The following LSAMP variants were observed in gnomAD, a reference collection of about 807,000 sequenced individuals.
The protein encoded by LSAMP is limbic system associated membrane protein.
A neutral mutation model predicts 38.6 loss-of-function variants in LSAMP; 7 were observed. The observed-to-expected ratio is 0.18, with a 90% confidence interval of 0.10 to 0.34. LSAMP has a LOEUF of 0.34. Among genes scored for constraint, LSAMP ranks in the 10% least tolerant of loss-of-function variants. The pLI is 1.00. For missense variants in LSAMP, 313 were observed against 420.0 expected (o/e 0.75, Z 2.23); for synonymous variants, 154 against 166.8 (o/e 0.92, Z 0.59).
intron 1 of LSAMP, among the ~76,000 whole-genome samples, chr3:116,269,508 G>A (rs945110938): frequency 2.0e-5 from 3 of 152,046 alleles, no homozygotes; most frequent in Admixed American, 1.3e-4. Flanking sequence ...AATGAATGAT[G>A]CTAAACCTAA....
rs1010190973 is a variant in LSAMP at position 115,909,485 on chromosome 3, T to C, written c.515-56868A>G. On this transcript the variant is annotated intron_variant, in intron 3 of 6. Transcript: ENST00000490035. ...CATCATTCACCTAGCTTACATTAGT[T>C]CTTGTCTTTTCTTCAGCAGCAATGT... is the stretch of plus-strand genomic sequence containing the variant. 2.6e-5 allele frequency among the ~76,000 whole-genome samples: 4 copies of C among 152,212 alleles called. No homozygotes were observed. In the East Asian group the frequency reaches 7.7e-4, roughly 29 times the overall value.
chr3:116,395,776 T>C (rs72951910), intron 1 of LSAMP, among the ~76,000 whole-genome samples: 17,166 of 152,186 alleles, frequency 0.11, 1,373 homozygotes, highest in African/African-American at 0.23. Flanking sequence ...CATTGTTACT[T>C]TTCCCTTCTG....
At chr3:116,222,651 G>A (rs1239493306) in intron 1 of LSAMP, among the ~76,000 whole-genome samples, 2 of 149,414 alleles carry the variant, frequency 1.3e-5, no homozygotes, top group Non-Finnish European at 3.0e-5. Context: ...AGCCAGGAGT[G>A]GGCTCTCTGA....
At chr3:116,111,700 T>C (rs1409739709) in intron 1 of LSAMP, among the ~76,000 whole-genome samples, 3 of 152,222 alleles carry the variant, frequency 2.0e-5, no homozygotes, top group Non-Finnish European at 4.4e-5. Context: ...TGCAAGACCA[T>C]GTTTCTTTTC....
intron 1 of LSAMP, among the ~76,000 whole-genome samples, chr3:116,288,431 G>A (rs2047220191): frequency 6.6e-6 from 1 of 152,174 alleles, no homozygotes; most frequent in Admixed American, 6.5e-5. Context: ...ACCATTACAA[G>A]CAATGGATTA....
intron 1 of LSAMP, among the ~76,000 whole-genome samples, chr3:116,108,073 C>T (rs549986546): frequency 0.015 from 2,271 of 151,860 alleles, 50 homozygotes; most frequent in African/African-American, 0.048. Flanking sequence ...TGGCATTGAG[C>T]GGGGTAAGGG....
In LSAMP at chr3:116,025,605, G is replaced by A. The variant is rs1388192685; in HGVS notation, c.389-5965C>T. ...TTATATTGAATTCTTTGAATCATAT[G>A]GAATTTATTTCTGGTATGAGAAATA... On this transcript the variant is annotated intron_variant, in intron 2 of 6. Transcript: ENST00000490035. Among the ~76,000 whole-genome samples the A allele has an allele frequency of 2.0e-5, 3 of 151,806 alleles. No individual in the cohort carries two copies. The South Asian group carries it at 6.3e-4, about 32-fold the overall frequency.
At chr3:116,341,762 C>T (rs895946704) in intron 1 of LSAMP, among the ~76,000 whole-genome samples, 5 of 151,930 alleles carry the variant, frequency 3.3e-5, no homozygotes, top group Non-Finnish European at 5.9e-5. Context: ...AAATGACTCC[C>T]GCCTTCCTTG....
At chr3:115,898,689 A>G (rs1315465617) in intron 3 of LSAMP, among the ~76,000 whole-genome samples, 1 of 151,832 alleles carries the variant, frequency 6.6e-6, no homozygotes, top group Admixed American at 6.6e-5. Flanking sequence ...CCTAGTACCC[A>G]GCCAATGGTC....
intron 1 of LSAMP, among the ~76,000 whole-genome samples, chr3:116,266,953 C>T (rs964565420): frequency 7.9e-5 from 12 of 152,156 alleles, no homozygotes; most frequent in Non-Finnish European, 1.3e-4. Context: ...GTGGCAGGCA[C>T]CTGCCAACTG....
At chr3:116,357,040 G>A (rs1046499458) in intron 1 of LSAMP, among the ~76,000 whole-genome samples, 21 of 152,148 alleles carry the variant, frequency 1.4e-4, no homozygotes, top group Non-Finnish European at 2.5e-4. Context: ...TGATCCACCC[G>A]CCTCGGCCTC....
At chr3:116,303,704 T>C (rs1342597031) in intron 1 of LSAMP, among the ~76,000 whole-genome samples, 2 of 152,156 alleles carry the variant, frequency 1.3e-5, no homozygotes, top group African/African-American at 2.4e-5. Context: ...TAATCAAAAA[T>C]GTTACAGTCA....
intron 3 of LSAMP, among the ~76,000 whole-genome samples, chr3:115,928,973 G>GTTTGTTTT (rs1553750016): frequency 1.8e-5 from 2 of 109,928 alleles, no homozygotes; most frequent in Non-Finnish European, 1.8e-5. Flanking sequence ...TTTTTTGTTT[G>GTTTGTTTT]TTTTTTTTTT....
intron 1 of LSAMP, among the ~76,000 whole-genome samples, chr3:116,166,586 A>G (rs1351662950): frequency 1.3e-5 from 2 of 152,156 alleles, no homozygotes; most frequent in African/African-American, 2.4e-5. Flanking sequence ...GTATATATGC[A>G]TGTATATATG....
chr3:116,101,968 G>C (rs1408497302), intron 1 of LSAMP, among the ~76,000 whole-genome samples: 1 of 152,164 alleles, frequency 6.6e-6, no homozygotes, highest in Non-Finnish European at 1.5e-5. Context: ...GAGGGATTGT[G>C]ATTAGATCAT....
chr3:115,824,289 C>G (rs1228112733), intron 6 of LSAMP, among the ~76,000 whole-genome samples: 1 of 152,198 alleles, frequency 6.6e-6, no homozygotes, highest in Non-Finnish European at 1.5e-5. Context: ...AAAGAAGAAA[C>G]AGGTTTCTCT....
intron 3 of LSAMP, among the ~76,000 whole-genome samples, chr3:115,976,620 T>A (rs1939195123): frequency 6.6e-6 from 1 of 152,182 alleles, no homozygotes; most frequent in African/African-American, 2.4e-5. Context: ...TGGCTCTGCA[T>A]CCTCACCCAA....
intron 1 of LSAMP, among the ~76,000 whole-genome samples, chr3:116,122,147 T>C (rs1303328501): frequency 6.6e-6 from 1 of 152,222 alleles, no homozygotes; most frequent in Non-Finnish European, 1.5e-5. Context: ...AAAATAACAT[T>C]ATTTGCAATA....
At chr3:116,443,354 G>A (rs1206988128) in intron 1 of LSAMP, among the ~76,000 whole-genome samples, 1 of 152,162 alleles carries the variant, frequency 6.6e-6, no homozygotes, top group African/African-American at 2.4e-5. Context: ...ATCTGCTTTG[G>A]ATAGTAGGAT....
Sources: gnomAD v4.1 joint callset for allele counts (sites outside exome capture counted in the v4.1 genomes callset) on GRCh38, gnomAD v4.1.1 for gene constraint, MANE v1.5 for transcripts, NCBI Gene and HGNC (gene_info 2026-07-23, HGNC 2026-07-21) for gene names.